PRDM16: variants seen among roughly 807,000 people sequenced by gnomAD.
PRDM16 encodes the protein histone-lysine N-methyltransferase PRDM16.
Under a neutral mutation model 110.6 loss-of-function variants are expected in PRDM16, and 23 were observed. That is an observed-to-expected ratio of 0.21 (90% CI 0.15 to 0.29). The LOEUF (loss-of-function observed/expected upper bound fraction) is 0.29. Among genes scored for constraint, PRDM16 ranks in the 10% least tolerant of loss-of-function variants. The pLI is 1.00. For synonymous variants in PRDM16, 799 were observed against 781.8 expected (o/e 1.02, Z -0.37); for missense variants, 1,615 against 1,794.3 (o/e 0.90, Z 1.81).
chr1:3,250,797 G>A (rs1015223000), intron 3 of PRDM16, among the ~76,000 whole-genome samples: 1 of 152,186 alleles, frequency 6.6e-6, no homozygotes, highest in Non-Finnish European at 1.5e-5. Context: ...TCCTTTTTCT[G>A]TGTCAGTGAA....
chr1:3,361,150 C>T (rs1267923258), intron 3 of PRDM16, among the ~76,000 whole-genome samples: 1 of 152,228 alleles, frequency 6.6e-6, no homozygotes, highest in Non-Finnish European at 1.5e-5. Flanking sequence ...GGGGCGTGGA[C>T]AGAGGGTGCC....
chr1:3,337,894 A>C (rs1642194122), intron 3 of PRDM16, among the ~76,000 whole-genome samples: 2 of 151,574 alleles, frequency 1.3e-5, no homozygotes, highest in South Asian at 4.1e-4. Context: ...GCACGGACAC[A>C]CACATGGGCA....
intron 3 of PRDM16, among the ~76,000 whole-genome samples, chr1:3,367,217 C>T (rs542419519): frequency 2.6e-5 from 4 of 151,886 alleles, no homozygotes; most frequent in South Asian, 4.2e-4. Flanking sequence ...TGCAGCGAGC[C>T]GAGATGGCAC....
chr1:3,336,133 T>C (rs866201313), intron 3 of PRDM16, among the ~76,000 whole-genome samples: 2 of 152,292 alleles, frequency 1.3e-5, no homozygotes, highest in African/African-American at 4.8e-5. Context: ...GTCTGACTGC[T>C]AGGCCCAGCC....
At chr1:3,305,242 C>T (rs1003784759) in intron 3 of PRDM16, among the ~76,000 whole-genome samples, 8 of 152,216 alleles carry the variant, frequency 5.3e-5, no homozygotes, top group African/African-American at 1.7e-4. Context: ...TTCCCACAGA[C>T]ACTGAAATAA....
intron 2 of PRDM16, among the ~76,000 whole-genome samples, chr1:3,196,608 G>T (rs1638483670): frequency 6.6e-6 from 1 of 152,312 alleles, no homozygotes; most frequent in East Asian, 1.9e-4. Flanking sequence ...GAACCGCAGG[G>T]GTTCCTGACC....
intron 11 of PRDM16, 84 bp from the exon 12 acceptor site, chr1:3,418,583 C>A (rs2100677484): frequency 3.3e-6 from 3 of 917,300 alleles, no homozygotes; most frequent in African/African-American, 1.6e-5. Flanking sequence ...AGACCCCGAG[C>A]ATTAGCTTGA....
At chr1:3,381,854 G>C (rs1052394421) in intron 3 of PRDM16, among the ~76,000 whole-genome samples, 2 of 152,238 alleles carry the variant, frequency 1.3e-5, no homozygotes, top group Non-Finnish European at 2.9e-5. Flanking sequence ...GACAGACAGA[G>C]AGAAGCAGAG....
At chr1:3,395,350 C>T (rs1423100134) in intron 4 of PRDM16, among the ~76,000 whole-genome samples, 3 of 152,128 alleles carry the variant, frequency 2.0e-5, no homozygotes, top group African/African-American at 7.2e-5. Context: ...CACGTCCCCT[C>T]AATCCCTGGG....
chr1:3,422,307 GCAGA>G (rs1638462930), intron 12 of PRDM16, among the ~76,000 whole-genome samples: 1 of 150,960 alleles, frequency 6.6e-6, no homozygotes, highest in Admixed American at 6.6e-5. Context: ...AGACAGACAG[GCAGA>G]CAGACAAGCA....
chr1:3,169,046 G>T (rs1171120807), intron 1 of PRDM16, among the ~76,000 whole-genome samples: 1 of 152,118 alleles, frequency 6.6e-6, no homozygotes, highest in Non-Finnish European at 1.5e-5. Flanking sequence ...CCCTGTAAGA[G>T]GGACGTCCTG....
chr1:3,103,860 G>A (rs1570253692), intron 1 of PRDM16, among the ~76,000 whole-genome samples: 1 of 152,070 alleles, frequency 6.6e-6, no homozygotes, highest in South Asian at 2.1e-4. Flanking sequence ...ATTTGCATAC[G>A]GCTACTTAAC....
chr1:3,224,384 G>A lies in PRDM16; in HGVS notation c.388-19703G>A, dbSNP rs1569874813. Reference sequence around the variant, plus strand: ...GACAGTGTTGCCAATACCCAGTAGTGTCTCCCTCTGGAGGCCCCGGTGCGC... The same window carrying A: ...GACAGTGTTGCCAATACCCAGTAGTATCTCCCTCTGGAGGCCCCGGTGCGC... On this transcript the variant is annotated intron_variant, in intron 2 of 16. Transcript: ENST00000270722. Among the ~76,000 whole-genome samples, 3 of 152,250 alleles carry A rather than the reference G, an allele frequency of 2.0e-5. No individual in the cohort carries two copies. The South Asian group carries it at 6.2e-4, about 32-fold the overall frequency.
Position 3,382,484 on chromosome 1 carries a change from CA to C in PRDM16, c.439-2667del, listed in dbSNP as rs1643117948. Among the ~76,000 whole-genome samples the C allele has an allele frequency of 6.6e-6, 1 of 152,226 alleles. No individual in the cohort carries two copies. The highest frequency in any genetic ancestry group is 1.5e-5 in the Non-Finnish European group (1 of 68,040). On this transcript the variant is annotated intron_variant, in intron 3 of 16. Transcript: ENST00000270722. The surrounding 1 kb of genome is among the most constrained non-coding windows in gnomAD (Gnocchi z 6.6). ...GCTGTGTCTGCAGAAGCTGGTAACA[CA>C]GAGGCTGTCTCCCTGGGAACCTGCC...
Position 3,118,528 on chromosome 1 carries a change from C to T in PRDM16, c.37+49232C>T, listed in dbSNP as rs950962951. Among the ~76,000 whole-genome samples, 9 of 152,322 alleles carry T rather than the reference C, an allele frequency of 5.9e-5. No individual in the cohort carries two copies. The South Asian group carries it at 6.2e-4, about 11-fold the overall frequency. On this transcript the variant is annotated intron_variant, in intron 1 of 16. Transcript: ENST00000270722. ...GGGCCTTCCCCGGCATGATGGCATC[C>T]GCCCCCAGCTCATGGCCCAGGTCTC... is the stretch of plus-strand genomic sequence containing the variant.
intron 12 of PRDM16, among the ~76,000 whole-genome samples, chr1:3,420,522 T>C (rs1638398067): frequency 6.6e-6 from 1 of 152,176 alleles, no homozygotes; most frequent in South Asian, 2.1e-4. Context: ...CCTGGAGTGA[T>C]AGGGTAATCA....
intron 1 of PRDM16, among the ~76,000 whole-genome samples, chr1:3,120,424 A>T (rs931318348): frequency 6.6e-6 from 1 of 152,014 alleles, no homozygotes; most frequent in South Asian, 2.1e-4. Context: ...AGTGGCTGGG[A>T]GGACGGGAGG....
chr1:3,409,899 TG>T (rs1643649605), intron 8 of PRDM16, among the ~76,000 whole-genome samples: 1 of 117,926 alleles, frequency 8.5e-6, no homozygotes, highest in Non-Finnish European at 1.7e-5. Flanking sequence ...ATGTGTGTGG[TG>T]TGGTTGTGGG....
chr1:3,109,923 G>A (rs1042992464), intron 1 of PRDM16, among the ~76,000 whole-genome samples: 3 of 152,222 alleles, frequency 2.0e-5, no homozygotes, highest in Admixed American at 6.5e-5. Context: ...CATGTCCTGC[G>A]TGTGGGGACA....
Sources: gnomAD v4.1 joint callset for allele counts (sites outside exome capture counted in the v4.1 genomes callset) on GRCh38, gnomAD v4.1.1 for gene constraint, Gnocchi (gnomAD v3.1) non-coding constraint, MANE v1.5 for transcripts, NCBI Gene and HGNC (gene_info 2026-07-23, HGNC 2026-07-21) for gene names.